TTC12: variants seen among roughly 807,000 people sequenced by gnomAD.
TTC12 encodes tetratricopeptide repeat domain 12.
A neutral mutation model predicts 90.1 loss-of-function variants in TTC12; 70 were observed. That is an observed-to-expected ratio of 0.78 (90% CI 0.64 to 0.95). The LOEUF (loss-of-function observed/expected upper bound fraction) is 0.95, where lower values mean the gene tolerates loss of function less well. Ranked by LOEUF, TTC12 falls within the 40% of genes least tolerant of loss-of-function variation. The pLI is 0.00. For missense variants in TTC12, 819 were observed against 846.1 expected, an observed-to-expected ratio of 0.97 and a Z score of 0.40; for synonymous variants, 296 against 311.5, an observed-to-expected ratio of 0.95 and a Z score of 0.53.
At chr11:113,372,843 A>G (rs1001149501) in intron 21 of TTC12, among the ~76,000 whole-genome samples, 4 of 152,062 alleles carry the variant, frequency 2.6e-5, no homozygotes, top group African/African-American at 4.8e-5. Flanking sequence ...ATTGCTCACT[A>G]TGGTGTTCCA....
chr11:113,333,177 G>C (rs920226459), intron 7 of TTC12, among the ~76,000 whole-genome samples: 3 of 152,018 alleles, frequency 2.0e-5, no homozygotes, highest in African/African-American at 7.2e-5. Flanking sequence ...GGCATGCAAG[G>C]CTACCATATG....
In TTC12 at chr11:113,335,415, T is replaced by C. The variant is rs185053109; in HGVS notation, c.576+378T>C. On this transcript the variant is annotated intron_variant, in intron 8 of 21. Coordinates refer to ENST00000529221, the MANE Select transcript of TTC12 (RefSeq NM_017868.4). ...TTATATATCGTTAAAAGTAGCTTTA[T>C]TGAGATATAATTCACATACCACACA... 3.6e-3 allele frequency among the ~76,000 whole-genome samples: 547 copies of C among 152,340 alleles called. 2 individuals are homozygous for C. The highest frequency in any genetic ancestry group is 0.013 in the African/African-American group (524 of 41,584).
intron 16 of TTC12, among the ~76,000 whole-genome samples, chr11:113,358,396 C>G (rs1243145737): frequency 6.6e-6 from 1 of 152,128 alleles, no homozygotes; most frequent in Non-Finnish European, 1.5e-5. Flanking sequence ...TGCTGGTGCT[C>G]TCCACTGGTC....
Position 113,349,881 on chromosome 11 carries a change from A to G in TTC12, c.1155-192A>G, listed in dbSNP as rs534207764. Among the ~76,000 whole-genome samples, 16 of 152,276 alleles carry G rather than the reference A, an allele frequency of 1.1e-4. No homozygotes were observed. In the East Asian group the frequency reaches 2.1e-3, roughly 20 times the overall value. The stretch of plus-strand genomic sequence containing the variant: ...TCTGGGGATTCACATTAAGTGGTGG[A>G]GCCAACCACTTAAGAGTATCTGTCT... On this transcript the variant is annotated intron_variant, in intron 13 of 21. Coordinates refer to ENST00000529221, the MANE Select transcript of TTC12 (RefSeq NM_017868.4).
At chr11:113,365,207 C>T in intron 21 of TTC12, 147 bp downstream of exon 21, 1 of 701,932 alleles carries the variant, frequency 1.4e-6, no homozygotes, top group Non-Finnish European at 2.4e-6. Flanking sequence ...AGCCCAGTAG[C>T]TGCTTCTCTG....
downstream of TTC12, chr11:113,368,177 A>T (rs1216496396): frequency 2.1e-6 from 3 of 1,424,978 alleles, no homozygotes; most frequent in Non-Finnish European, 1.9e-6. Flanking sequence ...TATTATGTTT[A>T]TTGTTCCAGA....
chr11:113,332,819 C>T (rs1169159302), intron 7 of TTC12, among the ~76,000 whole-genome samples: 1 of 152,216 alleles, frequency 6.6e-6, no homozygotes, highest in Non-Finnish European at 1.5e-5. Context: ...GACTTTCCCA[C>T]TCCCTGCCCT....
Position 113,316,235 on chromosome 11 carries a change from T to G in TTC12, c.-15-8T>G. On this transcript the variant is annotated splice_region_variant and splice_polypyrimidine_tract_variant and intron_variant, in intron 1 of 21. Coordinates refer to ENST00000529221, the MANE Select transcript of TTC12 (RefSeq NM_017868.4). ...TTATTAATTTCACCATTATGCTGCA[T>G]CCCTTAGGGATTCCGGTTCACAATG... 1.4e-6 allele frequency: 2 copies of G among 1,388,584 alleles called. No homozygotes were observed. Among genetic ancestry groups the G allele is most frequent in the African/African-American group, 1.5e-5 (1 of 68,510 alleles). 86.0% of individuals were successfully genotyped at this position (1,388,584 alleles called of 1,614,324 possible).
chr11:113,365,385 C>T (rs1172237937), intron 21 of TTC12: 3 of 280,682 alleles, frequency 1.1e-5, no homozygotes, highest in Non-Finnish European at 2.1e-5. Context: ...TCCTTCTTCC[C>T]CTCCCTCCCA....
At chr11:113,351,919 G>A (rs782783973) in intron 15 of TTC12, 151 bp from the exon 16 acceptor site, 87 of 874,052 alleles carry the variant, frequency 1.0e-4, no homozygotes, top group Middle Eastern at 3.5e-4. Flanking sequence ...GCCTCCATCC[G>A]TTGCCAGTGA....
At chr11:113,357,492 A>C (rs1260461810) in intron 16 of TTC12, among the ~76,000 whole-genome samples, 1 of 152,122 alleles carries the variant, frequency 6.6e-6, no homozygotes, top group Admixed American at 6.5e-5. Context: ...TGTTTGGAGG[A>C]AAGAAGGCAT....
chr11:113,316,195 T>C, intron 1 of TTC12, 48 bp from the exon 2 acceptor site: 1 of 947,810 alleles, frequency 1.1e-6, no homozygotes, highest in Non-Finnish European at 1.5e-6. Flanking sequence ...GACCGTTCTG[T>C]TTAGTGCTTT....
At chr11:113,334,412 TAC>T (rs1422700804) in intron 7 of TTC12, among the ~76,000 whole-genome samples, 3 of 151,712 alleles carry the variant, frequency 2.0e-5, no homozygotes, top group African/African-American at 7.3e-5. Flanking sequence ...AAGGTCCCAG[TAC>T]ACATGTTGTG....
chr11:113,341,887 C>T lies in TTC12; in HGVS notation c.947C>T (p.Ser316Phe). ...GCAGTTGAAGAAATGGTCTGTGTGT[C>T]TGTTCTCAAGCTCTGGCAAGCAGTG... The part of the protein sequence containing the change: ...NDAVEEMVCV[S>F]VLKLWQAVCS... Residue 316 changes from serine (S) to phenylalanine (F), a missense_variant, in exon 12 of 22, where the codon TCT (serine) becomes TTT (phenylalanine). Transcript: ENST00000529221. 6.2e-7 allele frequency: 1 copy of T among 1,614,184 alleles called. No homozygotes were observed.
At chr11:113,328,220 C>G (rs1433888142) in intron 6 of TTC12, among the ~76,000 whole-genome samples, 2 of 152,210 alleles carry the variant, frequency 1.3e-5, no homozygotes, top group Admixed American at 6.5e-5. Context: ...GATGCTGCCT[C>G]TCAGGGAGCT....
intron 18 of TTC12, among the ~76,000 whole-genome samples, chr11:113,361,246 C>G (rs1949905779): frequency 6.6e-6 from 1 of 152,166 alleles, no homozygotes; most frequent in Non-Finnish European, 1.5e-5. Context: ...ACAAGTTTAT[C>G]TTTTCTCCCT....
At chr11:113,362,560 C>G in intron 19 of TTC12, 58 bp downstream of exon 19, 1 of 1,193,354 alleles carries the variant, frequency 8.4e-7, no homozygotes, top group Non-Finnish European at 1.2e-6. Flanking sequence ...CTATTTTATT[C>G]GGGGAACAGA....
chr11:113,334,584 G>A (rs1948248986), intron 7 of TTC12, among the ~76,000 whole-genome samples: 1 of 151,782 alleles, frequency 6.6e-6, no homozygotes, highest in Non-Finnish European at 1.5e-5. Context: ...ATTGATGCCT[G>A]GGTCTTATCC....
intron 16 of TTC12, among the ~76,000 whole-genome samples, chr11:113,356,477 C>T (rs968981819): frequency 1.3e-5 from 2 of 152,166 alleles, no homozygotes; most frequent in African/African-American, 4.8e-5. Context: ...GATTTGATCC[C>T]ATCATCGTGA....
Sources: allele counts gnomAD v4.1 joint callset (sites outside exome capture counted in the v4.1 genomes callset), GRCh38; gene constraint gnomAD v4.1.1; transcripts MANE v1.5; gene names NCBI Gene and HGNC (gene_info 2026-07-23, HGNC 2026-07-21).